KRR1: variants seen among roughly 807,000 people sequenced by gnomAD.
KRR1 encodes the protein KRR1 small subunit processome component, also known as KRR1 small subunit processome component homolog.
In KRR1, 23 loss-of-function variants were observed where a neutral mutation model predicts 50.0. The ratio of observed to expected loss-of-function variants is 0.46; its 90% CI spans 0.33 to 0.65. KRR1 has a LOEUF of 0.65. KRR1 is among the 30% of genes least tolerant of loss of function. The pLI, the probability that KRR1 is intolerant of heterozygous loss-of-function variation, is 0.02. For synonymous variants in KRR1, 133 were observed against 146.3 expected, an observed-to-expected ratio of 0.91 and a Z score of 0.66; for missense variants, 419 against 442.4, an observed-to-expected ratio of 0.95 and a Z score of 0.47.
rs1336541720 is a variant in KRR1 at position 75,493,485 on chromosome 12, T to C, written c.*6324A>G. On this transcript the variant is annotated 3_prime_UTR_variant, in exon 10 of 10. Transcript: ENST00000229214. ...TTCCCCTGGGCACCATGAACAAGGG[T>C]ATGGTGTGTAACAGATCTTTACTCA... is the stretch of plus-strand genomic sequence containing the variant. The C allele has an allele frequency of 2.0e-5, 3 of 151,954 alleles. No individual in the cohort carries two copies. Among genetic ancestry groups the C allele is most frequent in the Non-Finnish European group, 4.4e-5 (3 of 68,020 alleles). 9.4% of individuals were successfully genotyped at this position (151,954 alleles called of 1,614,324 possible).
In KRR1 at chr12:75,498,531, T is replaced by TTCAG. The variant is rs1156505076; in HGVS notation, c.*1274_*1277dup. 1.7e-6 allele frequency: 1 copy of TTCAG among 574,920 alleles called. No individual in the cohort carries two copies. The highest frequency in any genetic ancestry group is 2.8e-5 in the East Asian group (1 of 35,426). 35.6% of individuals were successfully genotyped at this position (574,920 alleles called of 1,614,324 possible). ...AGTCAACTTAAAAATACCAAGTTAA[T>TTCAG]TCAGTCAGTTCAAAAAGTTTTGAAT... On this transcript the variant is annotated 3_prime_UTR_variant, in exon 10 of 10. Coordinates refer to ENST00000229214, the MANE Select transcript of KRR1 (RefSeq NM_007043.7).
At chr12:75,503,747 C>A in intron 7 of KRR1, 157 bp downstream of exon 7, 1 of 597,140 alleles carries the variant, frequency 1.7e-6, no homozygotes, top group Non-Finnish European at 2.8e-6. Context: ...TCAAAATATG[C>A]CTATTTATAT....
chr12:75,506,831 C>G lies in KRR1; in HGVS notation c.344G>C (p.Arg115Thr). ...TAACAGTTTTATCAGATCTCTGGCCCTAATGATGATATATGGATCAAAAGT... is the reference window on the plus strand; with the variant it reads ...TAACAGTTTTATCAGATCTCTGGCCGTAATGATGATATATGGATCAAAAGT... ...KKTFDPYIII[R>T]ARDLIKLLAR... The change falls in exon 3 of 10, where the codon AGG becomes ACG. Residue 115 changes from arginine to threonine, a missense_variant. Arg to Thr is a moderately conservative substitution (Grantham distance 71, BLOSUM62 -1). Coordinates refer to ENST00000229214, the MANE Select transcript of KRR1 (RefSeq NM_007043.7). 1 of 1,613,250 alleles carries G rather than the reference C, an allele frequency of 6.2e-7. No individual in the cohort carries two copies. The highest frequency in any genetic ancestry group is 8.5e-7 in the Non-Finnish European group (1 of 1,179,510).
rs1272322888 is a variant in KRR1 at position 75,496,987 on chromosome 12, G to A, written c.*2822C>T. 6.6e-6 allele frequency: 1 copy of A among 152,100 alleles called. No individual in the cohort carries two copies. The allele number at this position is 152,100 out of a possible 1,614,324, so 9.4% of individuals were successfully genotyped here. A position where few individuals can be genotyped will look rare whatever the true frequency, so the allele number is the denominator to read the frequency against. ...TAGCCACAATGCAGATAATATCAAG[G>A]TATCAATGTATTCACTGAATTCTTC... On this transcript the variant is annotated 3_prime_UTR_variant, in exon 10 of 10. Transcript: ENST00000229214.
intron 6 of KRR1, among the ~76,000 whole-genome samples, chr12:75,504,862 T>G (rs1265464701): frequency 2.0e-5 from 3 of 152,028 alleles, no homozygotes; most frequent in African/African-American, 2.4e-5. Context: ...AAAGATCATA[T>G]CCTTAAATAC....
intron 1 of KRR1, among the ~76,000 whole-genome samples, chr12:75,509,899 T>C (rs1697756): frequency 0.62 from 94,179 of 151,698 alleles, 29,400 homozygotes; most frequent in South Asian, 0.67. Context: ...ACTTACAATG[T>C]TTACCTGACG....
rs1482540552 is a variant in KRR1, at chr12:75,498,586, G to C, written c.*1223C>G. On this transcript the variant is annotated 3_prime_UTR_variant, in exon 10 of 10. Transcript: ENST00000229214. ...AAACTTGGAAAGTCACTGCAATAAA[G>C]CCAAAGCAAGTTAATGGTCATAATT... 4 of 845,770 alleles carry C rather than the reference G, an allele frequency of 4.7e-6. No individual in the cohort carries two copies. The Admixed American group carries it at 6.7e-5, about 14-fold the overall frequency. The allele number at this position is 845,770 out of a possible 1,614,324, so 52.4% of individuals were successfully genotyped here.
chr12:75,502,095 G>T, intron 7 of KRR1, 95 bp from the exon 8 acceptor site: 1 of 922,642 alleles, frequency 1.1e-6, no homozygotes. Flanking sequence ...AAAAACAATG[G>T]GGTCAAACTG....
At chr12:75,504,390 T>C (rs538036947) in intron 6 of KRR1, 37 of 178,798 alleles carry the variant, frequency 2.1e-4, no homozygotes, top group East Asian at 1.2e-3. Flanking sequence ...AATTAGCTGA[T>C]GTTCCCTGCA....
chr12:75,493,247 C>G lies in KRR1; in HGVS notation c.*6562G>C, dbSNP rs2046333263. The G allele has an allele frequency of 6.6e-6, 1 of 152,138 alleles. No individual in the cohort carries two copies. Among genetic ancestry groups the G allele is most frequent in the African/African-American group, 2.4e-5 (1 of 41,424 alleles). 9.4% of individuals were successfully genotyped at this position (152,138 alleles called of 1,614,324 possible). A position where few individuals can be genotyped will look rare whatever the true frequency, so the allele number is the denominator to read the frequency against. ...CTGGATGGAAAATGGATTAGAGGAG[C>G]ATAAAAGGTAAAACAGAGAGACCAG... On this transcript the variant is annotated 3_prime_UTR_variant, in exon 10 of 10. Transcript: ENST00000229214.
At chr12:75,506,038 T>C (rs1390661372) in intron 5 of KRR1, 1 of 248,458 alleles carries the variant, frequency 4.0e-6, no homozygotes, top group Non-Finnish European at 7.8e-6. Flanking sequence ...ACTGAAGATC[T>C]TAATGCTCAT....
At position 75,498,802 on chromosome 12, in the gene KRR1, A is replaced by C; in HGVS notation, c.*1007T>G. On this transcript the variant is annotated 3_prime_UTR_variant, in exon 10 of 10. Coordinates refer to ENST00000229214, the MANE Select transcript of KRR1 (RefSeq NM_007043.7). ...ATTATGAGGAACAATGTCTAAGAGG[A>C]TATTCTATGTTTGTTTCACAGGTTA... is the stretch of plus-strand genomic sequence containing the variant. 2 of 1,611,854 alleles carry C rather than the reference A, an allele frequency of 1.2e-6. No homozygotes were observed. The highest frequency in any genetic ancestry group is 1.7e-6 in the Non-Finnish European group (2 of 1,178,350).
rs1312084204 is a variant in KRR1 at position 75,498,796 on chromosome 12, AAG to A, written c.*1011_*1012del. The A allele has an allele frequency of 2.5e-6, 4 of 1,611,484 alleles. No homozygotes were observed. The African/African-American group carries it at 4.0e-5, about 16-fold the overall frequency. On this transcript the variant is annotated 3_prime_UTR_variant, in exon 10 of 10. Transcript: ENST00000229214. ...CAGTGCATTATGAGGAACAATGTCT[AAG>A]AGGATATTCTATGTTTGTTTCACAG... is the stretch of plus-strand genomic sequence containing the variant.
rs571907746 is a variant in KRR1 at position 75,510,595 on chromosome 12, G to C, written c.85+918C>G. Among the ~76,000 whole-genome samples the C allele has an allele frequency of 1.2e-4, 19 of 152,254 alleles. No individual in the cohort carries two copies. In the South Asian group the frequency reaches 3.7e-3, roughly 30 times the overall value. ...AAATTAAGCCACTTCATGACTACAA[G>C]AAGAGGAACAGAATGCAACACAATT... On this transcript the variant is annotated intron_variant, in intron 1 of 9. Coordinates refer to ENST00000229214, the MANE Select transcript of KRR1 (RefSeq NM_007043.7).
chr12:75,507,737 C>G (rs1212677580), intron 2 of KRR1, among the ~76,000 whole-genome samples: 1 of 151,936 alleles, frequency 6.6e-6, no homozygotes, highest in Non-Finnish European at 1.5e-5. Context: ...AAAAAAGATA[C>G]TTTTACCATG....
rs375116019 is a variant in KRR1 at position 75,511,443 on chromosome 12, G to A, written c.85+70C>T. Reference sequence around the variant, plus strand: ...TCCAGGTGGTTTTATAAGTCCACGAGGAACGAAAGAAAAAAACATCGCAAC... The same window carrying A: ...TCCAGGTGGTTTTATAAGTCCACGAAGAACGAAAGAAAAAAACATCGCAAC... On this transcript the variant is annotated intron_variant, in intron 1 of 9. Coordinates refer to ENST00000229214, the MANE Select transcript of KRR1 (RefSeq NM_007043.7). 9.6e-5 allele frequency: 130 copies of A among 1,355,484 alleles called. 1 individual carries two copies. The East Asian group carries it at 1.3e-3, about 14-fold the overall frequency. 84.0% of individuals were successfully genotyped at this position (1,355,484 alleles called of 1,614,324 possible). A position where few individuals can be genotyped will look rare whatever the true frequency, so the allele number is the denominator to read the frequency against.
intron 9 of KRR1, chr12:75,500,638 G>A (rs1292472216): frequency 6.6e-6 from 1 of 151,840 alleles, no homozygotes; most frequent in African/African-American, 2.4e-5. Context: ...CCCCCTAATA[G>A]AAGCCAACTA....
Position 75,505,245 on chromosome 12 carries a change from C to G in KRR1, c.613G>C (p.Val205Leu), listed in dbSNP as rs376056617. The G allele has an allele frequency of 5.7e-6, 9 of 1,571,736 alleles. No homozygotes were observed. The highest frequency in any genetic ancestry group is 2.7e-5 in the African/African-American group (2 of 72,906). ...PFSGLKEVRK[V>L]VLDTMKNIHP... ...ATATTCTTCATAGTATCAAGGACTACTTTTCTAACCTGAAATTTGCAAAGA... is the reference window on the plus strand; with the variant it reads ...ATATTCTTCATAGTATCAAGGACTAGTTTTCTAACCTGAAATTTGCAAAGA... Residue 205 changes from valine (V) to leucine (L), a missense_variant, in exon 6 of 10, where the codon GTA becomes CTA. Physicochemically the swap from Val to Leu is conservative, Grantham distance 32. Coordinates refer to ENST00000229214, the MANE Select transcript of KRR1 (RefSeq NM_007043.7).
chr12:75,503,845 C>T (rs1392132536), intron 7 of KRR1, 59 bp downstream of exon 7: 14 of 1,447,976 alleles, frequency 9.7e-6, no homozygotes, highest in Non-Finnish European at 1.2e-5. Context: ...AATAAAGTTT[C>T]TGACCAAATA....
Sources: allele counts gnomAD v4.1 joint callset (sites outside exome capture counted in the v4.1 genomes callset), GRCh38; gene constraint gnomAD v4.1.1; transcripts MANE v1.5; gene names NCBI Gene and HGNC (gene_info 2026-07-23, HGNC 2026-07-21).